Variants in MOB1B observed in about 807,000 individuals in gnomAD.
MOB1B encodes MOB kinase activator 1B.
Under a neutral mutation model 24.4 loss-of-function variants are expected in MOB1B, and 19 were observed. The observed-to-expected ratio is 0.78, with a 90% CI of 0.54 to 1.14. MOB1B has a LOEUF of 1.14. MOB1B is among the 50% of genes most tolerant of loss of function. The probability of loss-of-function intolerance (pLI) is 0.00; values close to 1 mark genes in which losing one functional copy is unlikely to be tolerated. For synonymous variants in MOB1B, 76 were observed against 82.1 expected (o/e 0.93, Z 0.40); for missense variants, 243 against 259.6 (o/e 0.94, Z 0.44).
chr4:70,926,358 C>G lies in MOB1B; in HGVS notation c.14+23808C>G, dbSNP rs530612027. ...CCGAGATTCAGAGTCTTTGGTCTGT[C>G]ACTAGCTATGTGACCTTGGGCAGAT... is the stretch of plus-strand genomic sequence containing the variant. On this transcript the variant is annotated intron_variant, in intron 1 of 5. Coordinates refer to ENST00000309395, the MANE Select transcript of MOB1B (RefSeq NM_173468.4). 3.3e-5 allele frequency among the ~76,000 whole-genome samples: 5 copies of G among 151,868 alleles called. No homozygotes were observed. The East Asian group carries it at 9.7e-4, about 29-fold the overall frequency.
Position 70,977,397 on chromosome 4 carries a change from TG to T in MOB1B, c.410-1729del. Among the ~76,000 whole-genome samples the T allele has an allele frequency of 1.3e-5, 2 of 152,338 alleles. 1 individual carries two copies. The highest frequency in any genetic ancestry group is 6.8e-3 in the Middle Eastern group (2 of 294). On this transcript the variant is annotated intron_variant, in intron 4 of 5. Transcript: ENST00000309395. ...TTTTAAATGAGCAATAGCAATATGA[TG>T]GCAATATGATGACATTGAACCCAGT...
In MOB1B at chr4:70,976,817, T is replaced by G. The variant is rs1739027387; in HGVS notation, c.409+1531T>G. 3.0e-5 allele frequency: 5 copies of G among 169,266 alleles called. No homozygotes were observed. The Admixed American group carries it at 3.3e-4, about 11-fold the overall frequency. 10.5% of individuals were successfully genotyped at this position (169,266 alleles called of 1,614,324 possible). A position where few individuals can be genotyped will look rare whatever the true frequency, so the allele number is the denominator to read the frequency against. The stretch of plus-strand genomic sequence containing the variant: ...TAAGGGTTGGATGAGTGTCCCCACC[T>G]TATCTCTTCTCTCTCATAATACAGT... On this transcript the variant is annotated intron_variant, in intron 4 of 5. Coordinates refer to ENST00000309395, the MANE Select transcript of MOB1B (RefSeq NM_173468.4).
intron 1 of MOB1B, among the ~76,000 whole-genome samples, chr4:70,952,278 A>G (rs1737840405): frequency 6.6e-6 from 1 of 152,096 alleles, no homozygotes; most frequent in South Asian, 2.1e-4. Flanking sequence ...ATTTACTTGT[A>G]TCTTAAATAT....
chr4:70,940,278 G>A (rs1737276356), intron 1 of MOB1B, among the ~76,000 whole-genome samples: 1 of 152,072 alleles, frequency 6.6e-6, no homozygotes, highest in Non-Finnish European at 1.5e-5. Context: ...ATGGGCACAG[G>A]CCCAGCCCTC....
intron 1 of MOB1B, among the ~76,000 whole-genome samples, chr4:70,934,065 C>G (rs572749933): frequency 1.3e-4 from 20 of 152,210 alleles, no homozygotes; most frequent in African/African-American, 4.6e-4. Flanking sequence ...ATACATACTT[C>G]TCATTCTGCA....
At chr4:70,977,008 A>G (rs953086322) in intron 4 of MOB1B, among the ~76,000 whole-genome samples, 2 of 151,918 alleles carry the variant, frequency 1.3e-5, no homozygotes, top group Non-Finnish European at 2.9e-5. Context: ...ATACACATAC[A>G]TTCATTCATT....
At chr4:70,963,851 CCAAA>C (rs112446974) in intron 2 of MOB1B, among the ~76,000 whole-genome samples, 1,972 of 151,838 alleles carry the variant, frequency 0.013, 37 homozygotes, top group African/African-American at 0.045. Context: ...AAAAAAAACC[CCAAA>C]CAAACACACC....
chr4:70,979,061 T>G (rs1004487601), intron 4 of MOB1B, 67 bp from the exon 5 acceptor site: 1 of 1,314,432 alleles, frequency 7.6e-7, no homozygotes, highest in South Asian at 1.3e-5. Context: ...TGTTGACCTT[T>G]GCCGACAAAC....
In MOB1B at chr4:70,987,918, T is replaced by A. The variant is rs559592033; in HGVS notation, c.*5861T>A. On this transcript the variant is annotated 3_prime_UTR_variant, in exon 6 of 6. Transcript: ENST00000309395. ...ATGAAATCCAACATAGGCGCTATAT[T>A]ACAAACTGTGCCGGATTATGCAAAT... 1 of 152,634 alleles carries A rather than the reference T, an allele frequency of 6.6e-6. No homozygotes were observed. The highest frequency in any genetic ancestry group is 1.5e-5 in the Non-Finnish European group (1 of 68,038). The allele number at this position is 152,634 out of a possible 1,614,324, so 9.5% of individuals were successfully genotyped here. A position where few individuals can be genotyped will look rare whatever the true frequency, so the allele number is the denominator to read the frequency against.
At chr4:70,957,034 G>T (rs547769036) in intron 1 of MOB1B, among the ~76,000 whole-genome samples, 1 of 151,174 alleles carries the variant, frequency 6.6e-6, no homozygotes, top group African/African-American at 2.4e-5. Flanking sequence ...GGTTGGGGGT[G>T]TAAAGTTGAG....
chr4:70,956,095 T>C (rs1199470893), intron 1 of MOB1B, among the ~76,000 whole-genome samples: 1 of 152,074 alleles, frequency 6.6e-6, no homozygotes, highest in Non-Finnish European at 1.5e-5. Flanking sequence ...GTTTATTACA[T>C]TGTCTCATTA....
intron 1 of MOB1B, among the ~76,000 whole-genome samples, chr4:70,937,505 G>A (rs1017422427): frequency 2.0e-5 from 3 of 147,352 alleles, no homozygotes; most frequent in African/African-American, 7.6e-5. Context: ...TTTTTTTCTC[G>A]TTTCCCATCT....
intron 1 of MOB1B, among the ~76,000 whole-genome samples, chr4:70,925,215 T>C (rs973492419): frequency 6.6e-6 from 1 of 152,106 alleles, no homozygotes; most frequent in Non-Finnish European, 1.5e-5. Flanking sequence ...TTTTGTATTT[T>C]TAGTAGAGAC....
intron 1 of MOB1B, among the ~76,000 whole-genome samples, chr4:70,952,915 C>CT (rs1196910814): frequency 1.6e-5 from 2 of 128,022 alleles, no homozygotes; most frequent in East Asian, 2.2e-4. Context: ...TTTGAAGACT[C>CT]TGTCATTTTG....
chr4:70,932,491 C>T (rs958218861), intron 1 of MOB1B, among the ~76,000 whole-genome samples: 1 of 152,094 alleles, frequency 6.6e-6, no homozygotes, highest in African/African-American at 2.4e-5. Context: ...CCAGGCATTG[C>T]ACTAGTATTT....
chr4:70,933,362 CA>C lies in MOB1B; in HGVS notation c.15-25511del, dbSNP rs1736955001. ...ATATAGTATATTTAGGTTTTAAAAA[CA>C]GAGCAGTTTACTAACATTTCTATAC... On this transcript the variant is annotated intron_variant, in intron 1 of 5. Coordinates refer to ENST00000309395, the MANE Select transcript of MOB1B (RefSeq NM_173468.4). Among the ~76,000 whole-genome samples the C allele has an allele frequency of 2.0e-5, 3 of 152,022 alleles. 1 individual carries two copies. The highest frequency in any genetic ancestry group is 2.0e-4 in the Admixed American group (3 of 15,256).
At chr4:70,936,600 T>G (rs1737098192) in intron 1 of MOB1B, among the ~76,000 whole-genome samples, 1 of 152,098 alleles carries the variant, frequency 6.6e-6, no homozygotes, top group Admixed American at 6.6e-5. Context: ...ATAGCTGTCA[T>G]ATTTGGAATA....
intron 1 of MOB1B, among the ~76,000 whole-genome samples, chr4:70,906,037 A>T (rs1735721212): frequency 6.6e-6 from 1 of 151,576 alleles, no homozygotes; most frequent in Admixed American, 6.6e-5. Flanking sequence ...TAATCATGCC[A>T]CTGCACTCTA....
chr4:70,952,468 C>G (rs1268857753), intron 1 of MOB1B, among the ~76,000 whole-genome samples: 1 of 151,226 alleles, frequency 6.6e-6, no homozygotes, highest in Non-Finnish European at 1.5e-5. Flanking sequence ...ATGGTGAAAC[C>G]CCGTCTCTAC....
Sources: allele counts gnomAD v4.1 joint callset (sites outside exome capture counted in the v4.1 genomes callset), GRCh38; gene constraint gnomAD v4.1.1; transcripts MANE v1.5; gene names NCBI Gene and HGNC (gene_info 2026-07-23, HGNC 2026-07-21).